Variants in NLRP13 observed in about 807,000 individuals in gnomAD.
NLRP13 encodes NLR family pyrin domain containing 13, also known as NACHT, LRR and PYD domains-containing protein 13.
A neutral mutation model predicts 94.4 loss-of-function variants in NLRP13; 82 were observed. The ratio of observed to expected loss-of-function variants is 0.87; its 90% confidence interval spans 0.73 to 1.04. NLRP13 has a LOEUF of 1.04. Ranked by LOEUF, NLRP13 falls within the 50% of genes least tolerant of loss-of-function variation. The probability of loss-of-function intolerance (pLI) is 0.00; values close to 1 mark genes in which losing one functional copy is unlikely to be tolerated. For missense variants in NLRP13, 1,426 were observed against 1,230.8 expected (o/e 1.16, Z -2.37); for synonymous variants, 553 against 464.7 (o/e 1.19, Z -2.45).
chr19:55,929,392 T>C (rs1189550659), intron 1 of NLRP13, among the ~76,000 whole-genome samples: 2 of 152,136 alleles, frequency 1.3e-5, no homozygotes, highest in African/African-American at 4.8e-5. Flanking sequence ...CCATCAATGA[T>C]AGATTGGATG....
At chr19:55,897,602 T>G (rs1297849531) in intron 10 of NLRP13, among the ~76,000 whole-genome samples, 1 of 152,194 alleles carries the variant, frequency 6.6e-6, no homozygotes, top group Non-Finnish European at 1.5e-5. Flanking sequence ...CGTTAACTGA[T>G]TTTTTTGAAG....
chr19:55,900,086 T>G lies in NLRP13; in HGVS notation c.2790-1149A>C, dbSNP rs555468872. On this transcript the variant is annotated intron_variant, in intron 9 of 10. Transcript: ENST00000342929. ...AAAAATTGTTAAGTATTTGAGGTGA[T>G]GGACACATTAACTAACTTAATTATT... 3.3e-5 allele frequency among the ~76,000 whole-genome samples: 5 copies of G among 152,288 alleles called. No individual in the cohort carries two copies. In the East Asian group the frequency reaches 9.6e-4, roughly 29 times the overall value.
In NLRP13 at chr19:55,932,335, CA is replaced by C; in HGVS notation, c.-25del. 6.3e-7 allele frequency: 1 copy of C among 1,591,320 alleles called. No individual in the cohort carries two copies. Among genetic ancestry groups the C allele is most frequent in the Non-Finnish European group, 8.5e-7 (1 of 1,174,352 alleles). On this transcript the variant is annotated 5_prime_UTR_variant, in exon 1 of 11. Coordinates refer to ENST00000342929, the MANE Select transcript of NLRP13 (RefSeq NM_176810.2). ...ATCTTGCCCAACACATGCAGTTTCT[CA>C]CTTCAGCAAAGGACTCCTATATCCA...
chr19:55,912,681 C>T lies in NLRP13; in HGVS notation c.1136G>A (p.Cys379Tyr), dbSNP rs1378535944. 1.2e-6 allele frequency: 2 copies of T among 1,614,186 alleles called. No individual in the cohort carries two copies. The highest frequency in any genetic ancestry group is 1.7e-5 in the Admixed American group (1 of 60,022). Residue 379 changes from cysteine to tyrosine, a missense_variant, in exon 5 of 11, where the codon TGC becomes TAC. By Grantham distance (194) the Cys-to-Tyr change is radical. Transcript: ENST00000342929. ...TGTGAACCCTGTAATTTGTACAAAG[C>T]ATGGATTCACTAATGAGGCCTTAAG... The part of the protein sequence containing the change: ...RDLKASLVNP[C>Y]FVQITGFTGD...
chr19:55,926,439 A>C (rs963738510), intron 1 of NLRP13, among the ~76,000 whole-genome samples: 8 of 152,176 alleles, frequency 5.3e-5, no homozygotes, highest in Non-Finnish European at 1.0e-4. Context: ...TCCACTGGTC[A>C]CTCACCAGGC....
chr19:55,902,163 C>G lies in NLRP13; in HGVS notation c.2661G>C (p.Leu887Phe). 1.2e-6 allele frequency: 2 copies of G among 1,614,034 alleles called. No individual in the cohort carries two copies. The highest frequency in any genetic ancestry group is 1.7e-6 in the Non-Finnish European group (2 of 1,179,968). ...TCCTGTTCTGCAGGAGAGCATCTGACAAGTGCTTGCAAGCGGGTGCTGCCA... is the reference window on the plus strand; with the variant it reads ...TCCTGTTCTGCAGGAGAGCATCTGAGAAGTGCTTGCAAGCGGGTGCTGCCA... ...CQLAAPACKH[L>F]SDALLQNRSL... Residue 887 changes from leucine to phenylalanine, a missense_variant, in exon 9 of 11, where the codon TTG becomes TTC. Leu to Phe is a conservative substitution (Grantham distance 22, BLOSUM62 0). Transcript: ENST00000342929.
chr19:55,927,465 A>C (rs1986996058), intron 1 of NLRP13, among the ~76,000 whole-genome samples: 1 of 152,124 alleles, frequency 6.6e-6, no homozygotes, highest in Non-Finnish European at 1.5e-5. Flanking sequence ...TTAAAAAAAA[A>C]AAAAAATCCC....
intron 6 of NLRP13, among the ~76,000 whole-genome samples, chr19:55,908,222 C>T (rs1252020130): frequency 6.6e-6 from 1 of 152,100 alleles, no homozygotes; most frequent in Non-Finnish European, 1.5e-5. Flanking sequence ...AGAGACCTGC[C>T]ATGAAGAGGT....
At chr19:55,920,037 C>T (rs1421310043) in intron 4 of NLRP13, among the ~76,000 whole-genome samples, 1 of 152,134 alleles carries the variant, frequency 6.6e-6, no homozygotes, top group Admixed American at 6.6e-5. Context: ...ATACCTACAG[C>T]TAGCTGATCT....
Position 55,910,652 on chromosome 19 carries a change from T to G in NLRP13, c.2193A>C (p.Leu731=). The change falls in exon 6 of 11, where the codon CTA becomes CTC. Residue 731 remains leucine, a synonymous_variant. Transcript: ENST00000342929. ...TLVTNENLHE[L]DLSNSKLHAS... ...CATGAAGTTTGCTGTTACTCAGGTC[T>G]AGCTCATGCAGATTCTCATTTGTGA... The G allele has an allele frequency of 1.2e-6, 2 of 1,613,996 alleles. No homozygotes were observed. Among genetic ancestry groups the G allele is most frequent in the African/African-American group, 1.3e-5 (1 of 75,060 alleles).
chr19:55,931,930 G>T (rs962179035), intron 1 of NLRP13, 63 bp downstream of exon 1: 2 of 1,481,836 alleles, frequency 1.3e-6, no homozygotes, highest in Admixed American at 1.8e-5. Context: ...AAAACCCAGC[G>T]GCTACCTCCT....
At chr19:55,897,975 A>G (rs1986059175) in intron 10 of NLRP13, among the ~76,000 whole-genome samples, 1 of 152,152 alleles carries the variant, frequency 6.6e-6, no homozygotes. Context: ...AGAGCAACTC[A>G]TCTTAGTCTG....
chr19:55,910,682 C>T lies in NLRP13; in HGVS notation c.2163G>A (p.Thr721=), dbSNP rs148594029. The change falls in exon 6 of 11, where the codon ACG becomes ACA. Residue 721 remains threonine, a synonymous_variant. Coordinates refer to ENST00000342929, the MANE Select transcript of NLRP13 (RefSeq NM_176810.2). ...RMHAWNSICS[T]LVTNENLHEL... ...CATGCAGATTCTCATTTGTGACCAA[C>T]GTAGAGCAAATGCTGTTCCATGCGT... is the stretch of plus-strand genomic sequence containing the variant. The T allele has an allele frequency of 2.1e-4, 331 of 1,613,544 alleles. No individual in the cohort carries two copies. The highest frequency in any genetic ancestry group is 4.9e-4 in the Middle Eastern group (3 of 6,082).
chr19:55,925,073 A>C (rs1986936432), intron 1 of NLRP13, 38 bp from the exon 2 acceptor site: 3 of 1,588,284 alleles, frequency 1.9e-6, no homozygotes, highest in Non-Finnish European at 1.7e-6. Flanking sequence ...GAGAATACCC[A>C]GACTGAAAAT....
intron 5 of NLRP13, 118 bp downstream of exon 5, chr19:55,911,588 G>A (rs1986509782): frequency 4.2e-6 from 4 of 943,614 alleles, no homozygotes; most frequent in Middle Eastern, 3.4e-4. Context: ...CAGACCATTT[G>A]GTCGGAAATA....
intron 4 of NLRP13, among the ~76,000 whole-genome samples, chr19:55,922,392 A>T (rs915255828): frequency 4.6e-5 from 7 of 151,854 alleles, no homozygotes; most frequent in African/African-American, 1.7e-4. Context: ...CAGTGGCATG[A>T]TCTTGGCTCA....
chr19:55,908,637 C>G (rs2123118040), intron 6 of NLRP13, among the ~76,000 whole-genome samples: 1 of 152,244 alleles, frequency 6.6e-6, no homozygotes, highest in Admixed American at 6.5e-5. Context: ...ATGGATGGAG[C>G]TGGAGGCCAT....
At chr19:55,913,439 CA>C (rs1256324589) in intron 4 of NLRP13, 146 bp from the exon 5 acceptor site, 30 of 890,550 alleles carry the variant, frequency 3.4e-5, no homozygotes, top group Admixed American at 1.2e-4. Context: ...TAGAAAGTTG[CA>C]AAAGGAGGCT....
At chr19:55,926,803 A>G (rs1986976264) in intron 1 of NLRP13, among the ~76,000 whole-genome samples, 1 of 152,228 alleles carries the variant, frequency 6.6e-6, no homozygotes, top group African/African-American at 2.4e-5. Context: ...TTAAAATGCA[A>G]TGCATGAAGA....
Sources: allele counts gnomAD v4.1 joint callset (sites outside exome capture counted in the v4.1 genomes callset), GRCh38; gene constraint gnomAD v4.1.1; transcripts MANE v1.5; gene names NCBI Gene and HGNC (gene_info 2026-07-23, HGNC 2026-07-21).